PLXDC2: variants seen among roughly 807,000 people sequenced by gnomAD.
The protein encoded by PLXDC2 is plexin domain-containing protein 2.
In PLXDC2, 40 loss-of-function variants were observed where a neutral mutation model predicts 68.9. The ratio of observed to expected loss-of-function variants is 0.58; its 90% CI spans 0.45 to 0.76. The LOEUF (loss-of-function observed/expected upper bound fraction) is 0.76. Among genes scored for constraint, PLXDC2 ranks in the 30% least tolerant of loss-of-function variants. PLXDC2 has a pLI of 0.00. For synonymous variants in PLXDC2, 243 were observed against 234.2 expected (o/e 1.04, Z -0.34); for missense variants, 644 against 661.9 (o/e 0.97, Z 0.30).
At chr10:20,166,678 ATTG>A (rs1247558676) in intron 7 of PLXDC2, among the ~76,000 whole-genome samples, 2 of 152,080 alleles carry the variant, frequency 1.3e-5, no homozygotes, top group Admixed American at 1.3e-4. Context: ...TTTAGTCCAT[ATTG>A]TTGTTCTGAT....
intron 1 of PLXDC2, among the ~76,000 whole-genome samples, chr10:19,952,331 C>G (rs1006197294): frequency 1.3e-5 from 2 of 152,102 alleles, no homozygotes; most frequent in Admixed American, 6.6e-5. Context: ...ATTAAGTCAG[C>G]CTTTTTGCCA....
At position 20,231,143 on chromosome 10, in the gene PLXDC2, A is replaced by G. The variant is rs570883585; in HGVS notation, c.1312+12041A>G. Among the ~76,000 whole-genome samples the G allele has an allele frequency of 1.1e-4, 17 of 151,800 alleles. No homozygotes were observed. The South Asian group carries it at 2.5e-3, about 22-fold the overall frequency. ...AGTATATTGTGTGCTGTAAATATAT[A>G]CAATTTTTATTTGTCAATTATGCTT... On this transcript the variant is annotated intron_variant, in intron 12 of 13. Coordinates refer to ENST00000377252, the MANE Select transcript of PLXDC2 (RefSeq NM_032812.9).
chr10:20,194,172 G>A (rs756451952), intron 9 of PLXDC2, among the ~76,000 whole-genome samples: 49 of 115,454 alleles, frequency 4.2e-4, no homozygotes, highest in Non-Finnish European at 9.3e-4. Context: ...TAGACTTTGA[G>A]AGACGAATTG....
chr10:19,850,793 A>C (rs2481940), intron 1 of PLXDC2, among the ~76,000 whole-genome samples: 1 of 152,224 alleles, frequency 6.6e-6, no homozygotes, highest in Non-Finnish European at 1.5e-5. Context: ...CAGTGTTCTC[A>C]AATGGCAACC....
intron 4 of PLXDC2, among the ~76,000 whole-genome samples, chr10:20,118,231 G>A (rs1833648857): frequency 6.6e-6 from 1 of 152,014 alleles, no homozygotes; most frequent in Non-Finnish European, 1.5e-5. Context: ...TCAGTTTGCA[G>A]TGTCTTATGT....
intron 4 of PLXDC2, among the ~76,000 whole-genome samples, chr10:20,082,346 G>T (rs1422077433): frequency 1.3e-5 from 2 of 151,856 alleles, no homozygotes; most frequent in Non-Finnish European, 2.9e-5. Flanking sequence ...TCGGTAGTAT[G>T]GGAAATCAGG....
At chr10:20,238,662 A>AAAT (rs1175526348) in intron 12 of PLXDC2, among the ~76,000 whole-genome samples, 5 of 31,752 alleles carry the variant, frequency 1.6e-4, no homozygotes, top group African/African-American at 4.1e-4. Context: ...TCTCAAAAAA[A>AAAT]ATATATATAT....
intron 1 of PLXDC2, among the ~76,000 whole-genome samples, chr10:19,992,080 G>A (rs933014442): frequency 7.2e-5 from 11 of 152,156 alleles, no homozygotes; most frequent in African/African-American, 2.7e-4. Context: ...GTTGATTGTT[G>A]TGCTCTGGAA....
chr10:19,908,062 A>AAAAAAT, intron 1 of PLXDC2, among the ~76,000 whole-genome samples: 1 of 152,202 alleles, frequency 6.6e-6, no homozygotes, highest in Non-Finnish European at 1.5e-5. Context: ...TGAAACAATT[A>AAAAAAT]AAAAATAGTT....
At chr10:19,957,601 A>G (rs1834092244) in intron 1 of PLXDC2, among the ~76,000 whole-genome samples, 1 of 152,134 alleles carries the variant, frequency 6.6e-6, no homozygotes, top group Non-Finnish European at 1.5e-5. Context: ...GCATCATAAT[A>G]TATGTCACCT....
At chr10:20,176,767 A>G (rs1006306892) in intron 7 of PLXDC2, among the ~76,000 whole-genome samples, 2 of 152,134 alleles carry the variant, frequency 1.3e-5, no homozygotes, top group African/African-American at 4.8e-5. Context: ...CTTAATAGGT[A>G]AGTGAGATAT....
At position 20,287,996 on chromosome 10, in the gene PLXDC2, G is replaced by GGGC; in HGVS notation, c.*8177_*8178insGGC. 1 of 116,954 alleles carries GGGC rather than the reference G, an allele frequency of 8.6e-6. No individual in the cohort carries two copies. Among genetic ancestry groups the GGGC allele is most frequent in the South Asian group, 3.7e-4 (1 of 2,734 alleles). The allele number at this position is 116,954 out of a possible 1,614,324, so 7.2% of individuals were successfully genotyped here. ...TCTTGCGGCGGGGGAGGGGGGGGGG[G>GGGC]CGGTGGCTTTCCAGATTTTATGCCA... is the stretch of plus-strand genomic sequence containing the variant. On this transcript the variant is annotated 3_prime_UTR_variant, in exon 14 of 14. Transcript: ENST00000377252.
intron 2 of PLXDC2, among the ~76,000 whole-genome samples, chr10:20,009,591 T>C (rs764880027): frequency 6.6e-6 from 1 of 151,626 alleles, no homozygotes. Context: ...AAGCACGTAA[T>C]TGAAAAGGAG....
chr10:20,079,865 A>G (rs1386750092), intron 4 of PLXDC2, among the ~76,000 whole-genome samples: 1 of 152,186 alleles, frequency 6.6e-6, no homozygotes, highest in Non-Finnish European at 1.5e-5. Flanking sequence ...ATGGGTTGAT[A>G]GGTGCAGCAA....
intron 13 of PLXDC2, among the ~76,000 whole-genome samples, chr10:20,272,728 C>A (rs1008221314): frequency 6.6e-6 from 1 of 152,206 alleles, no homozygotes; most frequent in Non-Finnish European, 1.5e-5. Flanking sequence ...ATTCTAAACT[C>A]TGTTAGTGAT....
chr10:19,819,319 A>G (rs915563735), intron 1 of PLXDC2, among the ~76,000 whole-genome samples: 37 of 152,244 alleles, frequency 2.4e-4, no homozygotes, highest in African/African-American at 8.2e-4. Flanking sequence ...GAAGACTTTT[A>G]TAAACAGAAG....
intron 1 of PLXDC2, among the ~76,000 whole-genome samples, chr10:19,872,568 G>A (rs1475367419): frequency 6.6e-6 from 1 of 152,230 alleles, no homozygotes; most frequent in Admixed American, 6.5e-5. Context: ...CTTTGGCTTA[G>A]CTTAACTAAG....
intron 4 of PLXDC2, among the ~76,000 whole-genome samples, chr10:20,068,596 A>G (rs140404490): frequency 1.7e-4 from 25 of 148,128 alleles, no homozygotes; most frequent in African/African-American, 5.9e-4. Context: ...TTTAATGTAT[A>G]TAGTTGCTAT....
intron 4 of PLXDC2, among the ~76,000 whole-genome samples, chr10:20,073,087 A>T (rs1483645713): frequency 6.6e-6 from 1 of 152,204 alleles, no homozygotes; most frequent in Non-Finnish European, 1.5e-5. Context: ...AAGTAGAAAC[A>T]CAAAAGATGC....
Sources: allele counts gnomAD v4.1 joint callset (sites outside exome capture counted in the v4.1 genomes callset), GRCh38; gene constraint gnomAD v4.1.1; transcripts MANE v1.5; gene names NCBI Gene and HGNC (gene_info 2026-07-23, HGNC 2026-07-21).